Variants in LDLRAD4 observed in about 807,000 individuals in gnomAD.
LDLRAD4 encodes low-density lipoprotein receptor class A domain-containing protein 4.
LDLRAD4 carries 5 observed loss-of-function variants against 17.0 expected under a neutral mutation model. The observed-to-expected ratio is 0.29, with a 90% CI of 0.15 to 0.62. The LOEUF (loss-of-function observed/expected upper bound fraction) is 0.62. Among genes scored for constraint, LDLRAD4 ranks in the 20% least tolerant of loss-of-function variants. LDLRAD4 has a pLI of 0.84. For missense variants in LDLRAD4, 340 were observed against 424.7 expected (o/e 0.80, Z 1.75); for synonymous variants, 168 against 171.8 (o/e 0.98, Z 0.17).
intron 1 of LDLRAD4, among the ~76,000 whole-genome samples, chr18:13,238,834 A>C (rs780396946): frequency 6.6e-6 from 1 of 152,006 alleles, no homozygotes; most frequent in South Asian, 2.1e-4. Context: ...TCCTGCTCCT[A>C]CTCAACAGCC....
intron 3 of LDLRAD4, among the ~76,000 whole-genome samples, chr18:13,580,321 C>T (rs546414344): frequency 2.0e-5 from 3 of 152,286 alleles, no homozygotes; most frequent in African/African-American, 7.2e-5. Flanking sequence ...GGCTTGTGAC[C>T]CCACCTTGGC....
chr18:13,450,328 C>CG (rs375188502), intron 3 of LDLRAD4, among the ~76,000 whole-genome samples: 3 of 112,494 alleles, frequency 2.7e-5, no homozygotes, highest in South Asian at 7.1e-4. Context: ...CTCCCCCCAC[C>CG]CCCCCCCCCA....
chr18:13,451,112 G>A (rs73406331), intron 3 of LDLRAD4, among the ~76,000 whole-genome samples: 5,711 of 152,240 alleles, frequency 0.038, 193 homozygotes, highest in African/African-American at 0.085. Context: ...CTGAGATTAC[G>A]TGACCACTTC....
At chr18:13,535,780 A>T (rs1333603497) in intron 3 of LDLRAD4, among the ~76,000 whole-genome samples, 1 of 152,218 alleles carries the variant, frequency 6.6e-6, no homozygotes, top group African/African-American at 2.4e-5. Context: ...TAAGTTTAAC[A>T]GTTTCAGCTT....
chr18:13,350,151 T>C (rs1259507400), intron 1 of LDLRAD4, among the ~76,000 whole-genome samples: 1 of 152,216 alleles, frequency 6.6e-6, no homozygotes, highest in Non-Finnish European at 1.5e-5. Context: ...TACCTAGTAA[T>C]GGGACTGCTG....
At chr18:13,566,734 A>G (rs1476314865) in intron 3 of LDLRAD4, among the ~76,000 whole-genome samples, 1 of 152,180 alleles carries the variant, frequency 6.6e-6, no homozygotes, top group African/African-American at 2.4e-5. Flanking sequence ...GTGCTATACT[A>G]TGGCTTTATG....
chr18:13,453,985 G>C (rs1233287251), intron 3 of LDLRAD4, among the ~76,000 whole-genome samples: 1 of 152,266 alleles, frequency 6.6e-6, no homozygotes, highest in African/African-American at 2.4e-5. Flanking sequence ...GTTCATTCCG[G>C]CGCTGCCGCC....
chr18:13,569,567 C>T (rs184221247), intron 3 of LDLRAD4, among the ~76,000 whole-genome samples: 5 of 152,268 alleles, frequency 3.3e-5, no homozygotes, highest in South Asian at 4.1e-4. Context: ...TTGATAGAAA[C>T]GAATGATTGT....
exon 2 of LDLRAD4, chr18:13,387,664 G>C (rs902632245): frequency 7.2e-6 from 11 of 1,529,564 alleles, no homozygotes; most frequent in Non-Finnish European, 1.0e-5. Context: ...AGCCTCGCCC[G>C]GCGGCTTCCT....
intron 1 of LDLRAD4, chr18:13,241,353 T>C (rs1358407480): frequency 6.6e-6 from 1 of 152,312 alleles, no homozygotes. Context: ...TTTCGCTGTG[T>C]GTATACATGC....
intron 1 of LDLRAD4, chr18:13,240,393 G>GCCTC (rs2042571416): frequency 6.6e-6 from 1 of 152,290 alleles, no homozygotes; most frequent in Non-Finnish European, 1.5e-5. Flanking sequence ...TATGCTCACA[G>GCCTC]CCTCCCCTGG....
At chr18:13,618,300 C>T (rs1158418388) in intron 3 of LDLRAD4, among the ~76,000 whole-genome samples, 3 of 152,214 alleles carry the variant, frequency 2.0e-5, no homozygotes, top group African/African-American at 4.8e-5. Flanking sequence ...GGCTTTCCCC[C>T]GGGACGGAGT....
rs60695092 is a variant in LDLRAD4 at position 13,635,931 on chromosome 18, C to CTGTGTGTGTGTG, written c.337-7401_337-7390dup. ...GTACGCAGCAGAGAAGACAGCTATG[C>CTGTGTGTGTGTG]TGTGTGTGTGTGTGTGTGTGTGTGT... On this transcript the variant is annotated intron_variant, in intron 4 of 5. Transcript: ENST00000359446. 5.7e-4 allele frequency among the ~76,000 whole-genome samples: 84 copies of CTGTGTGTGTGTG among 147,448 alleles called. 1 individual carries two copies. Among genetic ancestry groups the CTGTGTGTGTGTG allele is most frequent in the African/African-American group, 1.5e-3 (60 of 39,140 alleles).
At chr18:13,651,095 C>T (rs1276558221) in exon 6 of LDLRAD4, 1 of 152,250 alleles carries the variant, frequency 6.6e-6, no homozygotes, top group Non-Finnish European at 1.5e-5. Context: ...TGTTTTTCAA[C>T]TTGCTTTATA....
intron 3 of LDLRAD4, among the ~76,000 whole-genome samples, chr18:13,439,549 G>A (rs926110684): frequency 1.1e-4 from 17 of 152,212 alleles, no homozygotes; most frequent in African/African-American, 3.6e-4. Flanking sequence ...CAGGCTGGGC[G>A]CGTGCTTGCC....
intron 3 of LDLRAD4, among the ~76,000 whole-genome samples, chr18:13,491,889 CACCACCGG>C (rs2093365464): frequency 6.6e-6 from 1 of 152,164 alleles, no homozygotes; most frequent in Non-Finnish European, 1.5e-5. Flanking sequence ...ATTTGCAGAA[CACCACCGG>C]GAGGCTTGCA....
intron 1 of LDLRAD4, among the ~76,000 whole-genome samples, chr18:13,279,247 C>T (rs58185991): frequency 0.026 from 4,003 of 152,290 alleles, 179 homozygotes; most frequent in African/African-American, 0.088. Flanking sequence ...GTTATTCACA[C>T]GATCCCTTTA....
At chr18:13,456,283 C>T (rs1384104954) in intron 3 of LDLRAD4, among the ~76,000 whole-genome samples, 2 of 152,194 alleles carry the variant, frequency 1.3e-5, no homozygotes, top group Non-Finnish European at 1.5e-5. Flanking sequence ...GTCCCCCCGC[C>T]GTCTGCCTGC....
intron 3 of LDLRAD4, among the ~76,000 whole-genome samples, chr18:13,600,349 A>G (rs948113303): frequency 6.6e-6 from 1 of 152,236 alleles, no homozygotes; most frequent in Non-Finnish European, 1.5e-5. Flanking sequence ...TGAAGTGTGC[A>G]AGACATTGAT....
Sources: allele counts gnomAD v4.1 joint callset (sites outside exome capture counted in the v4.1 genomes callset), GRCh38; gene constraint gnomAD v4.1.1; transcripts MANE v1.5; gene names NCBI Gene and HGNC (gene_info 2026-07-23, HGNC 2026-07-21).